The following LRBA variants were observed in gnomAD, a reference collection of about 807,000 sequenced individuals.
The protein encoded by LRBA is lipopolysaccharide-responsive and beige-like anchor protein.
In LRBA, 176 loss-of-function variants were observed where a neutral mutation model predicts 330.0. The observed-to-expected ratio is 0.53, with a 90% CI of 0.47 to 0.60. The LOEUF (loss-of-function observed/expected upper bound fraction) is 0.60, where lower values mean the gene tolerates loss of function less well. Ranked by LOEUF, LRBA falls within the 20% of genes least tolerant of loss-of-function variation. The probability of loss-of-function intolerance (pLI) is 0.00; values close to 1 mark genes in which losing one functional copy is unlikely to be tolerated. For synonymous variants in LRBA, 1,230 were observed against 1,193.0 expected (o/e 1.03, Z -0.64); for missense variants, 3,259 against 3,444.8 (o/e 0.95, Z 1.35).
intron 56 of LRBA, among the ~76,000 whole-genome samples, chr4:150,274,827 G>T (rs1000377426): frequency 1.3e-5 from 2 of 152,162 alleles, no homozygotes; most frequent in Non-Finnish European, 2.9e-5. Flanking sequence ...GGACCAGACA[G>T]ATTCACAGCC....
rs1748976771 is a variant in LRBA, at chr4:150,422,633, AC to A, written c.7042-7044del. 3 of 607,964 alleles carry A rather than the reference AC, an allele frequency of 4.9e-6. No individual in the cohort carries two copies. The East Asian group carries it at 8.9e-5, about 18-fold the overall frequency. The allele number at this position is 607,964 out of a possible 1,614,324, so 37.7% of individuals were successfully genotyped here. A position where few individuals can be genotyped will look rare whatever the true frequency, so the allele number is the denominator to read the frequency against. ...CAAGGGACAAGGTTCCATGAAGAGC[AC>A]CCTGAGTTCCTTAGAAGAACTGGCA... On this transcript the variant is annotated intron_variant, in intron 46 of 56. Coordinates refer to ENST00000651943, the MANE Select transcript of LRBA (RefSeq NM_001364905.1).
At position 150,615,894 on chromosome 4, in the gene LRBA, CAT is replaced by C. The variant is rs1178021507; in HGVS notation, c.5922-16765_5922-16764del. Among the ~76,000 whole-genome samples the C allele has an allele frequency of 4.6e-5, 7 of 152,252 alleles. No individual in the cohort carries two copies. The East Asian group carries it at 1.4e-3, about 29-fold the overall frequency. On this transcript the variant is annotated intron_variant, in intron 37 of 56. Coordinates refer to ENST00000651943, the MANE Select transcript of LRBA (RefSeq NM_001364905.1). ...ATAAAACTTTCCACATACAACTGGCCATGCTCTACCACCTTCCACTGTTTTGA... is the reference window on the plus strand; with the variant it reads ...ATAAAACTTTCCACATACAACTGGCCGCTCTACCACCTTCCACTGTTTTGA...
chr4:150,457,833 G>C (rs1489053979), intron 44 of LRBA, among the ~76,000 whole-genome samples: 2 of 151,756 alleles, frequency 1.3e-5, no homozygotes, highest in Admixed American at 6.6e-5. Flanking sequence ...AGCATTATGG[G>C]ATAAAATTAA....
At chr4:150,988,894 G>A (rs1017240254) in intron 2 of LRBA, among the ~76,000 whole-genome samples, 3 of 151,660 alleles carry the variant, frequency 2.0e-5, no homozygotes, top group Non-Finnish European at 4.4e-5. Flanking sequence ...TTTATGAACA[G>A]TATATCAAAC....
chr4:150,853,676 A>T (rs916988266), intron 22 of LRBA, among the ~76,000 whole-genome samples: 1 of 152,136 alleles, frequency 6.6e-6, no homozygotes. Context: ...TGAAAAAGTA[A>T]ATTTTTTTTT....
intron 2 of LRBA, among the ~76,000 whole-genome samples, chr4:150,942,180 T>C (rs1735739216): frequency 1.3e-5 from 2 of 152,162 alleles, no homozygotes; most frequent in Admixed American, 6.5e-5. Context: ...CAATTTGAAT[T>C]CTAAAATGTT....
Position 150,928,508 on chromosome 4 carries a change from T to G in LRBA, c.549+8A>C, listed in dbSNP as rs758781622. On this transcript the variant is annotated splice_region_variant and intron_variant, in intron 4 of 56. Coordinates refer to ENST00000651943, the MANE Select transcript of LRBA (RefSeq NM_001364905.1). Reference sequence around the variant, plus strand: ...TTAAAATACCAAAGAGTACTTAAGTTTTTTTACCCATCGTCCTTTATCTCC... The same window carrying G: ...TTAAAATACCAAAGAGTACTTAAGTGTTTTTACCCATCGTCCTTTATCTCC... The G allele has an allele frequency of 3.1e-6, 5 of 1,602,458 alleles. No homozygotes were observed. In the South Asian group the frequency reaches 5.5e-5, roughly 18 times the overall value.
At chr4:150,780,252 T>C (rs974171426) in intron 34 of LRBA, among the ~76,000 whole-genome samples, 1 of 152,152 alleles carries the variant, frequency 6.6e-6, no homozygotes, top group Non-Finnish European at 1.5e-5. Context: ...AAATAAAACA[T>C]AAATAACTGT....
At chr4:150,853,244 C>A (rs760151580) in intron 22 of LRBA, among the ~76,000 whole-genome samples, 1 of 152,110 alleles carries the variant, frequency 6.6e-6, no homozygotes, top group Non-Finnish European at 1.5e-5. Context: ...TACTGGCCAC[C>A]ATAACTTGTA....
chr4:150,847,440 G>C (rs1749997000), intron 26 of LRBA, among the ~76,000 whole-genome samples: 1 of 152,008 alleles, frequency 6.6e-6, no homozygotes, highest in African/African-American at 2.4e-5. Context: ...TAAATACTTT[G>C]AATAGCATTT....
chr4:150,815,539 TA>T (rs1450431663), intron 31 of LRBA, among the ~76,000 whole-genome samples: 3 of 151,764 alleles, frequency 2.0e-5, no homozygotes, highest in African/African-American at 7.2e-5. Flanking sequence ...AAAACTGATC[TA>T]AAAAATAAAG....
chr4:150,973,957 G>T (rs1190961352), intron 2 of LRBA, among the ~76,000 whole-genome samples: 1 of 152,182 alleles, frequency 6.6e-6, no homozygotes, highest in African/African-American at 2.4e-5. Context: ...TTACATAAAA[G>T]ATCAAATATA....
At chr4:150,318,312 C>T (rs1460922959) in intron 50 of LRBA, among the ~76,000 whole-genome samples, 1 of 151,984 alleles carries the variant, frequency 6.6e-6, no homozygotes, top group Non-Finnish European at 1.5e-5. Context: ...TTTCAAGATC[C>T]TTTGAATGAG....
chr4:150,496,465 T>G (rs1056662606), intron 40 of LRBA, among the ~76,000 whole-genome samples: 13 of 152,112 alleles, frequency 8.5e-5, no homozygotes, highest in African/African-American at 2.9e-4. Context: ...ATCCTTTAAG[T>G]GAATAGAAAG....
chr4:150,836,309 G>A (rs1292118984), intron 28 of LRBA, among the ~76,000 whole-genome samples: 1 of 152,152 alleles, frequency 6.6e-6, no homozygotes, highest in Non-Finnish European at 1.5e-5. Flanking sequence ...GATGATGCTG[G>A]CCTCATAAAA....
At chr4:150,437,515 ATATAT>A (rs199800111) in intron 44 of LRBA, among the ~76,000 whole-genome samples, 11 of 142,390 alleles carry the variant, frequency 7.7e-5, no homozygotes, top group East Asian at 2.1e-4. Context: ...CTCTATATAT[ATATAT>A]TATAAAATTA....
chr4:150,803,143 T>C (rs557728007), intron 33 of LRBA, among the ~76,000 whole-genome samples: 2 of 149,078 alleles, frequency 1.3e-5, no homozygotes, highest in Non-Finnish European at 3.0e-5. Flanking sequence ...TATGTCTATA[T>C]AAACATATAT....
chr4:150,873,553 G>A (rs1753673302), intron 17 of LRBA, among the ~76,000 whole-genome samples: 1 of 151,664 alleles, frequency 6.6e-6, no homozygotes, highest in Non-Finnish European at 1.5e-5. Flanking sequence ...TCATGCCACT[G>A]CACTCCAGCC....
intron 37 of LRBA, among the ~76,000 whole-genome samples, chr4:150,682,203 G>A (rs1448991853): frequency 6.6e-6 from 1 of 152,136 alleles, no homozygotes; most frequent in Non-Finnish European, 1.5e-5. Context: ...TTCAGTATCT[G>A]ATGTCAAAAT....
Sources: allele counts gnomAD v4.1 joint callset (sites outside exome capture counted in the v4.1 genomes callset), GRCh38; gene constraint gnomAD v4.1.1; transcripts MANE v1.5; gene names NCBI Gene and HGNC (gene_info 2026-07-23, HGNC 2026-07-21).